The following RGS3 variants were observed in gnomAD, a reference collection of about 807,000 sequenced individuals.
RGS3 encodes regulator of G protein signaling 3, also known as regulator of G-protein signalling 3.
A neutral mutation model predicts 132.6 loss-of-function variants in RGS3; 80 were observed. The ratio of observed to expected loss-of-function variants is 0.60; its 90% CI spans 0.50 to 0.73. The LOEUF (loss-of-function observed/expected upper bound fraction) is 0.73. Among genes scored for constraint, RGS3 ranks in the 30% least tolerant of loss-of-function variants. The probability of loss-of-function intolerance (pLI) is 0.00; values close to 1 mark genes in which losing one functional copy is unlikely to be tolerated. For synonymous variants in RGS3, 598 were observed against 620.6 expected (o/e 0.96, Z 0.54); for missense variants, 1,382 against 1,530.8 (o/e 0.90, Z 1.62).
chr9:113,520,079 C>T (rs995577036), intron 16 of RGS3, among the ~76,000 whole-genome samples: 15 of 152,342 alleles, frequency 9.8e-5, no homozygotes, highest in Non-Finnish European at 2.1e-4. Context: ...GGAGAAGCCA[C>T]CCTCCAAGTG....
At chr9:113,470,174 G>GAC (rs939110997) in intron 3 of RGS3, among the ~76,000 whole-genome samples, 1 of 151,694 alleles carries the variant, frequency 6.6e-6, no homozygotes, top group Admixed American at 6.6e-5. Context: ...GCCTCCCAAA[G>GAC]AGTCAATTTT....
intron 19 of RGS3, chr9:113,541,329 C>A: frequency 6.2e-7 from 1 of 1,613,290 alleles, no homozygotes; most frequent in South Asian, 1.1e-5. Context: ...GAAACTCCAC[C>A]CTTTCGGCTC....
chr9:113,571,848 A>T (rs139747701), intron 19 of RGS3, among the ~76,000 whole-genome samples: 2 of 152,306 alleles, frequency 1.3e-5, no homozygotes, highest in South Asian at 2.1e-4. Flanking sequence ...TCATATTTAG[A>T]TCTAAAATCC....
intron 11 of RGS3, 146 bp downstream of exon 9, chr9:113,505,669 A>C: frequency 3.2e-6 from 2 of 630,166 alleles, no homozygotes; most frequent in Non-Finnish European, 5.7e-6. Flanking sequence ...TTTTTAAGTG[A>C]CCGTAGATGA....
At chr9:113,532,442 T>A (rs1832509838) in intron 18 of RGS3, among the ~76,000 whole-genome samples, 2 of 152,152 alleles carry the variant, frequency 1.3e-5, no homozygotes, top group South Asian at 4.1e-4. Context: ...CAGCCAGCTC[T>A]GCCCCCTGCC....
At chr9:113,580,113 C>G (rs1364036458) in intron 19 of RGS3, among the ~76,000 whole-genome samples, 1 of 152,276 alleles carries the variant, frequency 6.6e-6, no homozygotes, top group African/African-American at 2.4e-5. Flanking sequence ...GCACGCAGTC[C>G]CTGTTCATAC....
intron 16 of RGS3, among the ~76,000 whole-genome samples, chr9:113,519,727 C>T (rs1831847789): frequency 6.6e-6 from 1 of 151,512 alleles, no homozygotes; most frequent in Non-Finnish European, 1.5e-5. Flanking sequence ...TTCTCCCTTA[C>T]ACTCAACAGA....
rs2119330199 is a variant in RGS3 at position 113,507,686 on chromosome 9, G to A, written c.1437+48G>A. On this transcript the variant is annotated intron_variant, in intron 13 of 24. Transcript: ENST00000350696. The surrounding 1 kb of genome is among the most constrained non-coding windows in gnomAD (Gnocchi z 5.0). ...AGGTGAAGGGTACTGGGTCCCTGTG[G>A]GAGGCCAGGAAGACTTGAAGACCCA... 3 of 1,400,712 alleles carry A rather than the reference G, an allele frequency of 2.1e-6. No individual in the cohort carries two copies. The highest frequency in any genetic ancestry group is 2.8e-6 in the Non-Finnish European group (3 of 1,062,744). 86.8% of individuals were successfully genotyped at this position (1,400,712 alleles called of 1,614,324 possible).
At chr9:113,490,939 T>A (rs1368229057) in intron 7 of RGS3, among the ~76,000 whole-genome samples, 1 of 131,578 alleles carries the variant, frequency 7.6e-6, no homozygotes, top group Non-Finnish European at 1.5e-5. Flanking sequence ...TATAACCTAA[T>A]TATAATTATA....
intron 14 of RGS3, among the ~76,000 whole-genome samples, chr9:113,513,822 A>G (rs2119363037): frequency 6.6e-6 from 1 of 152,290 alleles, no homozygotes; most frequent in Non-Finnish European, 1.5e-5. Flanking sequence ...AGGCTGCTCT[A>G]GCTCCCTTGG....
At chr9:113,462,046 T>C in exon 3 of RGS3, 1 of 1,613,990 alleles carries the variant, frequency 6.2e-7, no homozygotes, top group Non-Finnish European at 8.5e-7. Flanking sequence ...GTGCTCAGTG[T>C]CCTCTCTACA....
At chr9:113,514,487 T>A in exon 15 of RGS3, 4 of 1,614,176 alleles carry the variant, frequency 2.5e-6, no homozygotes, top group Non-Finnish European at 3.4e-6. Flanking sequence ...AGGGAAGTCC[T>A]ACACAGGCCT....
At chr9:113,589,002 G>A (rs765452198) in intron 20 of RGS3, 2 of 152,282 alleles carry the variant, frequency 1.3e-5, no homozygotes, top group African/African-American at 2.4e-5. Flanking sequence ...GTTCCAAGAG[G>A]TGGTGAGCTC....
upstream of RGS3, among the ~76,000 whole-genome samples, chr9:113,457,312 A>T (rs1401954105): frequency 6.6e-6 from 1 of 152,112 alleles, no homozygotes; most frequent in East Asian, 1.9e-4. Context: ...TTCTTTGGGC[A>T]GTCTTCCTTG....
At chr9:113,521,521 T>A (rs1831954929) in intron 16 of RGS3, among the ~76,000 whole-genome samples, 2 of 152,240 alleles carry the variant, frequency 1.3e-5, no homozygotes, top group South Asian at 4.1e-4. Flanking sequence ...GCTAGATATT[T>A]TTGCACATTG....
chr9:113,465,922 C>T (rs1006917272), intron 3 of RGS3, among the ~76,000 whole-genome samples: 7 of 152,154 alleles, frequency 4.6e-5, no homozygotes, highest in African/African-American at 1.4e-4. Context: ...TCGTGGTGCC[C>T]CTCTTTCAGG....
intron 1 of RGS3, among the ~76,000 whole-genome samples, chr9:113,450,594 G>T (rs542479253): frequency 1.3e-5 from 2 of 152,242 alleles, no homozygotes; most frequent in East Asian, 3.9e-4. Flanking sequence ...GTGGTGCTGG[G>T]CCCTGGGAAT....
At chr9:113,479,113 A>G (rs1830081164) in intron 3 of RGS3, 1 of 205,172 alleles carries the variant, frequency 4.9e-6, no homozygotes, top group Non-Finnish European at 9.9e-6. Context: ...CTTGGCAGAA[A>G]TTACCCTCCA....
chr9:113,504,855 C>CA (rs1340358408), intron 10 of RGS3, among the ~76,000 whole-genome samples: 1 of 152,256 alleles, frequency 6.6e-6, no homozygotes, highest in Non-Finnish European at 1.5e-5. Flanking sequence ...TGGGAGTCCT[C>CA]ATGGGATGCC....
Sources: gnomAD v4.1 joint callset for allele counts (sites outside exome capture counted in the v4.1 genomes callset) on GRCh38, gnomAD v4.1.1 for gene constraint, Gnocchi (gnomAD v3.1) non-coding constraint, MANE v1.5 for transcripts, NCBI Gene and HGNC (gene_info 2026-07-23, HGNC 2026-07-21) for gene names.